Variants in FBXL7 observed in about 807,000 individuals in gnomAD.
FBXL7 encodes F-box/LRR-repeat protein 7.
A neutral mutation model predicts 38.3 loss-of-function variants in FBXL7; 12 were observed. The ratio of observed to expected loss-of-function variants is 0.31; its 90% CI spans 0.20 to 0.51. FBXL7 has a LOEUF of 0.51. FBXL7 is among the 20% of genes least tolerant of loss of function. FBXL7 has a pLI of 0.98. For synonymous variants in FBXL7, 297 were observed against 300.9 expected (o/e 0.99, Z 0.13); for missense variants, 567 against 676.4 (o/e 0.84, Z 1.79).
intron 1 of FBXL7, among the ~76,000 whole-genome samples, chr5:15,516,842 G>A (rs1736953300): frequency 6.6e-6 from 1 of 152,004 alleles, no homozygotes; most frequent in Non-Finnish European, 1.5e-5. Flanking sequence ...GAGGAAGGAC[G>A]CATTTGCTTC....
chr5:15,569,504 G>A (rs1469146033), intron 1 of FBXL7, among the ~76,000 whole-genome samples: 2 of 151,308 alleles, frequency 1.3e-5, no homozygotes, highest in Middle Eastern at 3.2e-3. Flanking sequence ...AGACGATGGG[G>A]TTTTCTAGAT....
Position 15,912,888 on chromosome 5 carries a change from G to A in FBXL7, c.128-15002G>A, listed in dbSNP as rs981239517. 3.9e-5 allele frequency among the ~76,000 whole-genome samples: 6 copies of A among 152,078 alleles called. No homozygotes were observed. The South Asian group carries it at 1.2e-3, about 32-fold the overall frequency. ...TGAACTTAGACTGTAGTAGGCCCAG[G>A]GAACTACCCATGCGAAATGTATCCC... On this transcript the variant is annotated intron_variant, in intron 2 of 3. Transcript: ENST00000504595.
chr5:15,713,037 G>A (rs1043709243), intron 2 of FBXL7, among the ~76,000 whole-genome samples: 1 of 152,112 alleles, frequency 6.6e-6, no homozygotes, highest in Admixed American at 6.6e-5. Flanking sequence ...GTACCCTTGT[G>A]GATTCCCAAC....
Position 15,850,570 on chromosome 5 carries a change from G to A in FBXL7, c.128-77320G>A, listed in dbSNP as rs534163991. ...ATTTAGATGTTTGTTATAATGATTA[G>A]TATTAATGTTGGGAATGATAATGTT... On this transcript the variant is annotated intron_variant, in intron 2 of 3. Transcript: ENST00000504595. 3.3e-4 allele frequency among the ~76,000 whole-genome samples: 50 copies of A among 152,354 alleles called. 1 individual carries two copies. Among genetic ancestry groups the A allele is most frequent in the African/African-American group, 1.2e-3 (49 of 41,580 alleles).
intron 2 of FBXL7, among the ~76,000 whole-genome samples, chr5:15,801,915 T>C (rs1737580012): frequency 6.6e-6 from 1 of 152,128 alleles, no homozygotes. Flanking sequence ...TGTATCTATC[T>C]CCATTTCATC....
chr5:15,527,679 T>C (rs1737291737), intron 1 of FBXL7, among the ~76,000 whole-genome samples: 1 of 152,214 alleles, frequency 6.6e-6, no homozygotes, highest in Admixed American at 6.5e-5. Context: ...TCTTAATCCA[T>C]TTCCTTCCAG....
At chr5:15,632,593 T>G (rs1741036023) in intron 2 of FBXL7, among the ~76,000 whole-genome samples, 1 of 152,142 alleles carries the variant, frequency 6.6e-6, no homozygotes, top group African/African-American at 2.4e-5. Context: ...GCACTATTCA[T>G]AGTAGCAAAG....
intron 1 of FBXL7, among the ~76,000 whole-genome samples, chr5:15,532,320 A>T (rs1238522385): frequency 6.6e-6 from 1 of 152,212 alleles, no homozygotes; most frequent in Non-Finnish European, 1.5e-5. Flanking sequence ...TGAAGTGAAA[A>T]ATTAATACTT....
chr5:15,834,357 A>G (rs1182118897), intron 2 of FBXL7, among the ~76,000 whole-genome samples: 1 of 152,052 alleles, frequency 6.6e-6, no homozygotes, highest in East Asian at 1.9e-4. Flanking sequence ...CTTATTCCAA[A>G]TTTTTTTCTT....
At chr5:15,852,562 T>TA in intron 2 of FBXL7, among the ~76,000 whole-genome samples, 1 of 152,270 alleles carries the variant, frequency 6.6e-6, no homozygotes, top group Non-Finnish European at 1.5e-5. Context: ...TTGAAAACTA[T>TA]AATAGAATAC....
chr5:15,547,533 A>G (rs549294814), intron 1 of FBXL7, among the ~76,000 whole-genome samples: 1 of 152,366 alleles, frequency 6.6e-6, no homozygotes, highest in South Asian at 2.1e-4. Context: ...AGAGAGAGGC[A>G]GCCAGGAATG....
At chr5:15,583,900 C>A (rs1739226193) in intron 1 of FBXL7, among the ~76,000 whole-genome samples, 2 of 152,236 alleles carry the variant, frequency 1.3e-5, no homozygotes, top group Non-Finnish European at 2.9e-5. Flanking sequence ...TTCACCCCTA[C>A]AGCAAACTTC....
intron 2 of FBXL7, among the ~76,000 whole-genome samples, chr5:15,810,625 T>C (rs1195287682): frequency 6.6e-6 from 1 of 152,074 alleles, no homozygotes; most frequent in Admixed American, 6.5e-5. Context: ...AATGCCACAA[T>C]TGCAAATTTT....
rs528635295 is a variant in FBXL7 at position 15,535,362 on chromosome 5, C to T, written c.37+34649C>T. Among the ~76,000 whole-genome samples, 78 of 152,236 alleles carry T rather than the reference C, an allele frequency of 5.1e-4. 1 individual carries two copies. Among genetic ancestry groups the T allele is most frequent in the African/African-American group, 1.5e-3 (64 of 41,536 alleles). The stretch of plus-strand genomic sequence containing the variant: ...TGGAGGGCTCAGAAGAAGACAGGAA[C>T]GTGTGGGAAAGTTTGGAATTTCCTA... On this transcript the variant is annotated intron_variant, in intron 1 of 3. Transcript: ENST00000504595.
intron 2 of FBXL7, among the ~76,000 whole-genome samples, chr5:15,631,408 A>G (rs1208888070): frequency 6.6e-6 from 1 of 152,122 alleles, no homozygotes; most frequent in Non-Finnish European, 1.5e-5. Context: ...ATATTGAAGA[A>G]GTGTGGGCTG....
intron 1 of FBXL7, among the ~76,000 whole-genome samples, chr5:15,564,790 T>C (rs1738518096): frequency 6.6e-6 from 1 of 152,116 alleles, no homozygotes; most frequent in African/African-American, 2.4e-5. Flanking sequence ...ATATACAATT[T>C]TGTGCACAAT....
intron 2 of FBXL7, among the ~76,000 whole-genome samples, chr5:15,827,086 CCATCATTTCCTCCACAAAGA>C (rs146089293): frequency 0.012 from 1,803 of 152,258 alleles, 30 homozygotes; most frequent in African/African-American, 0.041. Context: ...TTTAGTTCAG[CCATCATTTCCTCCACAAAGA>C]CATCCTTATA....
intron 1 of FBXL7, among the ~76,000 whole-genome samples, chr5:15,527,844 C>A (rs964127042): frequency 2.6e-5 from 4 of 152,170 alleles, no homozygotes; most frequent in African/African-American, 9.7e-5. Context: ...ACCGAACATA[C>A]CCAATATCTG....
At chr5:15,600,457 G>C (rs111530164) in intron 1 of FBXL7, among the ~76,000 whole-genome samples, 42 of 152,286 alleles carry the variant, frequency 2.8e-4, no homozygotes, top group African/African-American at 9.6e-4. Flanking sequence ...CCTTGACCAA[G>C]AGTGGGGGTC....
Sources: allele counts gnomAD v4.1 joint callset (sites outside exome capture counted in the v4.1 genomes callset), GRCh38; gene constraint gnomAD v4.1.1; transcripts MANE v1.5; gene names NCBI Gene and HGNC (gene_info 2026-07-23, HGNC 2026-07-21).